ADAMTSL3: variants seen among roughly 807,000 people sequenced by gnomAD.
ADAMTSL3 encodes ADAMTS-like protein 3.
Under a neutral mutation model 201.7 loss-of-function variants are expected in ADAMTSL3, and 128 were observed. The ratio of observed to expected loss-of-function variants is 0.63; its 90% confidence interval spans 0.55 to 0.73. The LOEUF (loss-of-function observed/expected upper bound fraction) is 0.73, where lower values mean the gene tolerates loss of function less well. Among genes scored for constraint, ADAMTSL3 ranks in the 30% least tolerant of loss-of-function variants. The pLI, the probability that ADAMTSL3 is intolerant of heterozygous loss-of-function variation, is 0.00. For missense variants in ADAMTSL3, 1,990 were observed against 2,119.6 expected (o/e 0.94, Z 1.20); for synonymous variants, 738 against 748.4 (o/e 0.99, Z 0.23).
At chr15:83,855,652 T>G (rs2064715930) in intron 7 of ADAMTSL3, among the ~76,000 whole-genome samples, 1 of 152,290 alleles carries the variant, frequency 6.6e-6, no homozygotes, top group Non-Finnish European at 1.5e-5. Flanking sequence ...AATAGGCAGC[T>G]TAGCATGCCA....
intron 6 of ADAMTSL3, among the ~76,000 whole-genome samples, chr15:83,822,896 C>G (rs1277502207): frequency 6.6e-6 from 1 of 152,018 alleles, no homozygotes; most frequent in Non-Finnish European, 1.5e-5. Flanking sequence ...GCACTCCAGC[C>G]TGGGCACCAT....
intron 3 of ADAMTSL3, among the ~76,000 whole-genome samples, chr15:83,711,707 C>T (rs867424736): frequency 6.6e-6 from 1 of 152,258 alleles, no homozygotes; most frequent in Non-Finnish European, 1.5e-5. Context: ...TGCAACTGTA[C>T]ATGCTGTTCT....
intron 2 of ADAMTSL3, among the ~76,000 whole-genome samples, chr15:83,682,790 C>A (rs1475202350): frequency 2.0e-5 from 3 of 152,200 alleles, no homozygotes; most frequent in African/African-American, 7.2e-5. Flanking sequence ...TAATGACTTT[C>A]CTACAAATGT....
chr15:84,032,929 C>G (rs967962727), intron 28 of ADAMTSL3, among the ~76,000 whole-genome samples: 1 of 152,096 alleles, frequency 6.6e-6, no homozygotes, highest in Non-Finnish European at 1.5e-5. Flanking sequence ...ATTTCTATGC[C>G]AGCAATATGT....
At chr15:83,814,181 A>G (rs1300291015) in intron 5 of ADAMTSL3, among the ~76,000 whole-genome samples, 3 of 151,900 alleles carry the variant, frequency 2.0e-5, no homozygotes, top group Non-Finnish European at 4.4e-5. Context: ...GAATCTGACA[A>G]TTTTCCATTC....
intron 5 of ADAMTSL3, among the ~76,000 whole-genome samples, chr15:83,805,494 T>C (rs2063587859): frequency 6.6e-6 from 1 of 151,700 alleles, no homozygotes; most frequent in South Asian, 2.1e-4. Context: ...GAGGTGAAGC[T>C]TGCAGTGAGC....
chr15:83,759,937 A>G (rs1185425577), intron 3 of ADAMTSL3, among the ~76,000 whole-genome samples: 3 of 152,154 alleles, frequency 2.0e-5, no homozygotes, highest in African/African-American at 7.2e-5. Flanking sequence ...CATTCCTAAA[A>G]TTGATTTTTA....
intron 4 of ADAMTSL3, among the ~76,000 whole-genome samples, chr15:83,777,050 T>C (rs986077101): frequency 6.7e-6 from 1 of 149,570 alleles, no homozygotes; most frequent in African/African-American, 2.5e-5. Context: ...CAGTGGATCC[T>C]ACCCCACCCT....
chr15:83,864,348 A>G (rs937438268), intron 8 of ADAMTSL3, among the ~76,000 whole-genome samples: 32 of 152,284 alleles, frequency 2.1e-4, no homozygotes, highest in South Asian at 6.2e-4. Flanking sequence ...GATGAACATC[A>G]ATGCAAAAAT....
chr15:83,823,972 T>TCTTCTCCTC (rs1567170062), intron 6 of ADAMTSL3, among the ~76,000 whole-genome samples: 3 of 71,104 alleles, frequency 4.2e-5, no homozygotes, highest in African/African-American at 8.4e-5. Context: ...TTCTTCTTCT[T>TCTTCTCCTC]CTCCTCCTCC....
At chr15:84,012,545 A>T (rs780193596) in intron 23 of ADAMTSL3, among the ~76,000 whole-genome samples, 2 of 152,092 alleles carry the variant, frequency 1.3e-5, no homozygotes, top group Non-Finnish European at 2.9e-5. Flanking sequence ...CTCTTTCTCC[A>T]TATGTCCCTG....
chr15:83,750,140 T>G (rs2141668275), intron 3 of ADAMTSL3, among the ~76,000 whole-genome samples: 1 of 152,354 alleles, frequency 6.6e-6, no homozygotes, highest in Admixed American at 6.5e-5. Flanking sequence ...CAATGAATTA[T>G]GGATTCAAGC....
chr15:83,759,144 A>T (rs1357587343), intron 3 of ADAMTSL3, among the ~76,000 whole-genome samples: 1 of 152,192 alleles, frequency 6.6e-6, no homozygotes, highest in Non-Finnish European at 1.5e-5. Flanking sequence ...AGAGAAATAG[A>T]AAAGTTAAGA....
At chr15:83,969,126 C>T (rs1298279334) in intron 19 of ADAMTSL3, among the ~76,000 whole-genome samples, 1 of 152,100 alleles carries the variant, frequency 6.6e-6, no homozygotes, top group Non-Finnish European at 1.5e-5. Context: ...ACATTCTACA[C>T]ATGTATCCCA....
intron 19 of ADAMTSL3, among the ~76,000 whole-genome samples, chr15:83,966,754 C>T (rs937213360): frequency 1.3e-5 from 2 of 152,156 alleles, no homozygotes; most frequent in African/African-American, 4.8e-5. Flanking sequence ...GCCAATATCC[C>T]TGATGAACAT....
intron 6 of ADAMTSL3, 136 bp downstream of exon 6, chr15:83,820,183 C>G (rs748367612): frequency 6.1e-4 from 411 of 678,422 alleles, no homozygotes; most frequent in Non-Finnish European, 9.3e-4. Context: ...TGGCTTACAC[C>G]TATAATCCCA....
At chr15:83,787,055 A>G (rs1481704923) in intron 4 of ADAMTSL3, among the ~76,000 whole-genome samples, 1 of 152,158 alleles carries the variant, frequency 6.6e-6, no homozygotes, top group Non-Finnish European at 1.5e-5. Context: ...CTTTCCGCCT[A>G]AATCATCCTT....
At chr15:84,022,049 A>G (rs2068214778) in intron 26 of ADAMTSL3, among the ~76,000 whole-genome samples, 1 of 152,192 alleles carries the variant, frequency 6.6e-6, no homozygotes, top group Non-Finnish European at 1.5e-5. Context: ...TAAGCTTTCT[A>G]AGCAATAGGT....
intron 4 of ADAMTSL3, among the ~76,000 whole-genome samples, chr15:83,789,648 A>G (rs1017665668): frequency 5.3e-5 from 8 of 152,088 alleles, no homozygotes; most frequent in African/African-American, 1.9e-4. Context: ...ATATTTTAGG[A>G]ACCAAGTGAG....
Sources: gnomAD v4.1 joint callset for allele counts (sites outside exome capture counted in the v4.1 genomes callset) on GRCh38, gnomAD v4.1.1 for gene constraint, MANE v1.5 for transcripts, NCBI Gene and HGNC (gene_info 2026-07-23, HGNC 2026-07-21) for gene names.